TGFBR3: variants seen among roughly 807,000 people sequenced by gnomAD.
TGFBR3 encodes the protein transforming growth factor beta receptor 3.
TGFBR3 carries 46 observed loss-of-function variants against 87.9 expected under a neutral mutation model. The observed-to-expected ratio is 0.52, with a 90% CI of 0.41 to 0.67. The LOEUF is 0.67. Ranked by LOEUF, TGFBR3 falls within the 30% of genes least tolerant of loss-of-function variation. The probability of loss-of-function intolerance (pLI) is 0.00; values close to 1 mark genes in which losing one functional copy is unlikely to be tolerated. For missense variants in TGFBR3, 866 were observed against 1,041.9 expected, an observed-to-expected ratio of 0.83 and a Z score of 2.32; for synonymous variants, 381 against 391.6, an observed-to-expected ratio of 0.97 and a Z score of 0.32.
intron 4 of TGFBR3, among the ~76,000 whole-genome samples, chr1:91,753,253 G>T (rs534446189): frequency 6.6e-6 from 1 of 151,540 alleles, no homozygotes; most frequent in Non-Finnish European, 1.5e-5. Context: ...AGCTGGTCAT[G>T]TTGGCATGCA....
chr1:91,852,655 C>A (rs1374570024), intron 2 of TGFBR3, among the ~76,000 whole-genome samples: 1 of 152,182 alleles, frequency 6.6e-6, no homozygotes, highest in Non-Finnish European at 1.5e-5. Context: ...CAACCTCCGC[C>A]TCCCAGGTTC....
chr1:91,852,628 G>A (rs997614269), intron 2 of TGFBR3, among the ~76,000 whole-genome samples: 12 of 152,048 alleles, frequency 7.9e-5, no homozygotes, highest in South Asian at 4.2e-4. Flanking sequence ...GTGCAGTGGC[G>A]CCATCTCGGC....
intron 2 of TGFBR3, among the ~76,000 whole-genome samples, chr1:91,854,423 G>A (rs59098693): frequency 1.3e-5 from 2 of 152,044 alleles, no homozygotes; most frequent in Non-Finnish European, 2.9e-5. Context: ...CAAGGTGGTA[G>A]GAACATGCTG....
At chr1:91,818,997 CAG>C (rs904808751) in intron 2 of TGFBR3, among the ~76,000 whole-genome samples, 1 of 152,164 alleles carries the variant, frequency 6.6e-6, no homozygotes, top group African/African-American at 2.4e-5. Context: ...CAGAGTAAAA[CAG>C]ATTCCAAAAG....
intron 2 of TGFBR3, among the ~76,000 whole-genome samples, chr1:91,813,135 T>C (rs994446377): frequency 1.3e-5 from 2 of 152,168 alleles, no homozygotes; most frequent in Non-Finnish European, 2.9e-5. Flanking sequence ...TGTAACTCAC[T>C]AAAACGTTCT....
chr1:91,742,037 C>T (rs983258900), intron 4 of TGFBR3, among the ~76,000 whole-genome samples: 2 of 152,192 alleles, frequency 1.3e-5, no homozygotes, highest in Non-Finnish European at 2.9e-5. Context: ...ACACATCATG[C>T]TGCCACACAC....
intron 2 of TGFBR3, among the ~76,000 whole-genome samples, chr1:91,857,973 C>T (rs756183277): frequency 5.1e-4 from 77 of 152,244 alleles, no homozygotes; most frequent in Non-Finnish European, 2.4e-4. Flanking sequence ...AGTAGAGAGG[C>T]CTAAAGGCTC....
At chr1:91,900,405 C>T (rs1391817615) in intron 1 of TGFBR3, among the ~76,000 whole-genome samples, 7 of 152,188 alleles carry the variant, frequency 4.6e-5, no homozygotes, top group South Asian at 2.1e-4. Flanking sequence ...TGAATCACCA[C>T]GCCCAGCCAA....
intron 14 of TGFBR3, among the ~76,000 whole-genome samples, chr1:91,702,810 C>T (rs569123155): frequency 5.3e-5 from 8 of 152,168 alleles, no homozygotes; most frequent in Non-Finnish European, 1.0e-4. Flanking sequence ...TTTGGGAAGC[C>T]GATGCAGGCA....
At chr1:91,696,908 A>T (rs1359522182) in intron 15 of TGFBR3, among the ~76,000 whole-genome samples, 1 of 152,038 alleles carries the variant, frequency 6.6e-6, no homozygotes, top group Admixed American at 6.6e-5. Flanking sequence ...AGGCTCGGGG[A>T]AAGTATGCTG....
intron 2 of TGFBR3, among the ~76,000 whole-genome samples, chr1:91,819,843 T>C (rs906232776): frequency 3.3e-5 from 5 of 152,174 alleles, no homozygotes; most frequent in African/African-American, 1.2e-4. Flanking sequence ...CTCCTTACAG[T>C]TCTTAAGAGA....
chr1:91,813,231 A>C (rs1424865503), intron 2 of TGFBR3, among the ~76,000 whole-genome samples: 1 of 152,188 alleles, frequency 6.6e-6, no homozygotes, highest in Non-Finnish European at 1.5e-5. Flanking sequence ...TGTCCACAGT[A>C]ATCTAATTTG....
chr1:91,861,861 T>TTTC (rs1219909193), intron 1 of TGFBR3: 5 of 307,804 alleles, frequency 1.6e-5, no homozygotes, highest in Non-Finnish European at 3.0e-5. Flanking sequence ...TATTGGCTTT[T>TTTC]TTTTTTTTTT....
At chr1:91,869,125 A>C (rs1222259723) in intron 1 of TGFBR3, among the ~76,000 whole-genome samples, 1 of 152,118 alleles carries the variant, frequency 6.6e-6, no homozygotes, top group East Asian at 1.9e-4. Context: ...GTCTCAGCAA[A>C]AGCCTTACTT....
chr1:91,685,698 T>A (rs1671068518), intron 16 of TGFBR3, among the ~76,000 whole-genome samples: 1 of 152,128 alleles, frequency 6.6e-6, no homozygotes, highest in Non-Finnish European at 1.5e-5. Flanking sequence ...TTCATGTGTG[T>A]GTATAATTAA....
chr1:91,799,062 G>C (rs969776375), intron 2 of TGFBR3, among the ~76,000 whole-genome samples: 2 of 152,122 alleles, frequency 1.3e-5, no homozygotes, highest in African/African-American at 4.8e-5. Context: ...CTCCCAGATA[G>C]AACCCACGAA....
chr1:91,736,894 A>G (rs1013769004), intron 4 of TGFBR3, among the ~76,000 whole-genome samples: 6 of 152,188 alleles, frequency 3.9e-5, no homozygotes, highest in African/African-American at 1.2e-4. Flanking sequence ...CCCTATATAC[A>G]TTATACACAG....
At chr1:91,828,776 T>C (rs2810884) in intron 2 of TGFBR3, among the ~76,000 whole-genome samples, 112,740 of 152,026 alleles carry the variant, frequency 0.74, 42,635 homozygotes, top group East Asian at 0.96. Flanking sequence ...AGTTTAAGCC[T>C]GTATTACTGT....
chr1:91,842,677 T>C (rs528700510), intron 2 of TGFBR3, among the ~76,000 whole-genome samples: 3 of 152,206 alleles, frequency 2.0e-5, no homozygotes, highest in Admixed American at 2.0e-4. Flanking sequence ...AAGGTTGTTC[T>C]AGCTCTCTCT....
Sources: gnomAD v4.1 joint callset for allele counts (sites outside exome capture counted in the v4.1 genomes callset) on GRCh38, gnomAD v4.1.1 for gene constraint, MANE v1.5 for transcripts, NCBI Gene and HGNC (gene_info 2026-07-23, HGNC 2026-07-21) for gene names.